Variants in ATG16L2 observed in about 807,000 individuals in gnomAD.
ATG16L2 encodes the protein protein Atg16l2.
In ATG16L2, 77 loss-of-function variants were observed where a neutral mutation model predicts 84.7. The ratio of observed to expected loss-of-function variants is 0.91; its 90% confidence interval spans 0.76 to 1.10. The LOEUF (loss-of-function observed/expected upper bound fraction) is 1.10, where lower values mean the gene tolerates loss of function less well. ATG16L2 is among the 50% of genes least tolerant of loss of function. The probability of loss-of-function intolerance (pLI) is 0.00; values close to 1 mark genes in which losing one functional copy is unlikely to be tolerated. For synonymous variants in ATG16L2, 361 were observed against 342.8 expected (o/e 1.05, Z -0.59); for missense variants, 782 against 817.6 (o/e 0.96, Z 0.53).
At chr11:72,821,838 T>C in intron 4 of ATG16L2, 97 bp downstream of exon 4, 1 of 1,466,430 alleles carries the variant, frequency 6.8e-7, no homozygotes, top group Non-Finnish European at 9.0e-7. Flanking sequence ...GGCCGAGATC[T>C]TTCCCTACGT....
rs1331064445 is a variant in ATG16L2, at chr11:72,817,922, G to A, written c.318+67G>A. The A allele has an allele frequency of 2.9e-6, 4 of 1,380,522 alleles. 1 individual carries two copies. In the Admixed American group the frequency reaches 8.0e-5, roughly 28 times the overall value. The allele number at this position is 1,380,522 out of a possible 1,614,324, so 85.5% of individuals were successfully genotyped here. On this transcript the variant is annotated intron_variant, in intron 3 of 17. Coordinates refer to ENST00000321297, the MANE Select transcript of ATG16L2 (RefSeq NM_033388.2). ...GTCCAAGGGAGCCAGCCAGTGACGG[G>A]TACTCCTGTGTTTGCTGAATTCTCC...
Position 72,825,377 on chromosome 11 carries a change from C to CGCCT in ATG16L2, c.1074_1077dup (p.Ile360ProfsTer31). 6.2e-7 allele frequency: 1 copy of CGCCT among 1,612,922 alleles called. No homozygotes were observed. Among genetic ancestry groups the CGCCT allele is most frequent in the Non-Finnish European group, 8.5e-7 (1 of 1,179,940 alleles). On this transcript the variant is annotated frameshift_variant, in exon 10 of 18. Coordinates refer to ENST00000321297, the MANE Select transcript of ATG16L2 (RefSeq NM_033388.2). LOFTEE classifies it high-confidence loss of function. ...CCTCCTGGCCACTGGAGGGGCTGAC[C>CGCCT]GCCTGATCCACCTCTGGAATGTTGT...
In ATG16L2 at chr11:72,824,847, GGGA is replaced by G. The variant is rs1274612034; in HGVS notation, c.996+10_996+12del. On this transcript the variant is annotated splice_donor_region_variant and intron_variant, in intron 9 of 17. Transcript: ENST00000321297. ...ACCCGGGCTCAGGATGTGCTGGTAA[GGGA>G]GGAGCTGAGCCACATGGGTGGGGCA... 1 of 1,577,754 alleles carries G rather than the reference GGGA, an allele frequency of 6.3e-7. No individual in the cohort carries two copies. Among genetic ancestry groups the G allele is most frequent in the Admixed American group, 1.8e-5 (1 of 56,338 alleles).
At chr11:72,823,247 A>G (rs2135101792) in intron 7 of ATG16L2, 1 of 386,346 alleles carries the variant, frequency 2.6e-6, no homozygotes, top group East Asian at 5.6e-5. Context: ...TCACCAGGAG[A>G]GAACCTGTGG....
chr11:72,828,570 C>G (rs1174405282), intron 15 of ATG16L2, 62 bp downstream of exon 15: 4 of 1,607,732 alleles, frequency 2.5e-6, no homozygotes, highest in African/African-American at 2.7e-5. Flanking sequence ...CTCTCTTCTC[C>G]TGTAATAGAC....
chr11:72,826,175 C>T lies in ATG16L2; in HGVS notation c.1105C>T (p.Arg369Cys), dbSNP rs761289753. The change falls in exon 11 of 18, where the codon CGC (arginine) becomes TGC (cysteine). Residue 369 changes from arginine (R) to cysteine (C), a missense_variant and splice_region_variant. Coordinates refer to ENST00000321297, the MANE Select transcript of ATG16L2 (RefSeq NM_033388.2). ...GTCCCTTCCCCTGGTCCTCCCAGGT[C>T]GCCTGGAGGCCAACCAGACCCTGGA... ...LIHLWNVVGS[R>C]LEANQTLEGA... 13 of 1,612,560 alleles carry T rather than the reference C, an allele frequency of 8.1e-6. No homozygotes were observed. The highest frequency in any genetic ancestry group is 1.1e-5 in the Non-Finnish European group (13 of 1,179,042).
chr11:72,823,988 T>G (rs1860175251), intron 7 of ATG16L2, 72 bp from the exon 8 acceptor site: 12 of 1,546,290 alleles, frequency 7.8e-6, no homozygotes, highest in Non-Finnish European at 1.1e-5. Context: ...TGGCAAAGTG[T>G]GGAGATGATG....
chr11:72,818,133 A>G (rs376086779), intron 3 of ATG16L2: 1 of 432,964 alleles, frequency 2.3e-6, no homozygotes. Flanking sequence ...TGCTCTGCTC[A>G]CTACTCCATG....
At chr11:72,823,972 G>A in intron 7 of ATG16L2, 88 bp from the exon 8 acceptor site, 2 of 1,458,652 alleles carry the variant, frequency 1.4e-6, no homozygotes, top group Non-Finnish European at 9.6e-7. Flanking sequence ...CAAGCCTCCA[G>A]GTCTCTGGCA....
intron 2 of ATG16L2, among the ~76,000 whole-genome samples, chr11:72,817,096 C>A (rs1426008316): frequency 2.0e-5 from 3 of 152,318 alleles, no homozygotes; most frequent in Non-Finnish European, 4.4e-5. Context: ...CACCCCTATA[C>A]TTATGTCTTT....
intron 10 of ATG16L2, 78 bp downstream of exon 10, chr11:72,825,485 G>C: frequency 2.7e-6 from 3 of 1,104,964 alleles, no homozygotes; most frequent in Non-Finnish European, 4.1e-6. Context: ...GGTGGGCAGA[G>C]GTCTTGGATC....
downstream of ATG16L2, among the ~76,000 whole-genome samples, chr11:72,834,326 C>A (rs1024174791): frequency 6.6e-6 from 1 of 152,208 alleles, no homozygotes; most frequent in Non-Finnish European, 1.5e-5. Flanking sequence ...CAGCTGGGTT[C>A]TTCAGGCAGT....
At chr11:72,826,649 C>T (rs1251813443) in intron 12 of ATG16L2, 54 bp from the exon 13 acceptor site, 4 of 1,613,898 alleles carry the variant, frequency 2.5e-6, no homozygotes, top group African/African-American at 2.7e-5. Context: ...GACTAGGGGG[C>T]CTGTTATGGG....
At chr11:72,830,461 T>C (rs762336759), downstream of ATG16L2, among the ~76,000 whole-genome samples, 5 of 152,222 alleles carry the variant, frequency 3.3e-5, no homozygotes, top group East Asian at 1.9e-4. Flanking sequence ...TCCAATCCTT[T>C]CCCTTACTAT....
downstream of ATG16L2, among the ~76,000 whole-genome samples, chr11:72,833,789 G>T (rs1017720515): frequency 6.6e-6 from 1 of 152,050 alleles, no homozygotes; most frequent in African/African-American, 2.4e-5. Flanking sequence ...CGGGTGTGGT[G>T]GCACATGCCT....
At chr11:72,814,654 C>G in intron 1 of ATG16L2, 91 bp downstream of exon 1, 2 of 1,073,822 alleles carry the variant, frequency 1.9e-6, no homozygotes, top group Non-Finnish European at 2.6e-6. Flanking sequence ...CCGCCTGTGA[C>G]CCGAGTGCGC....
intron 10 of ATG16L2, 106 bp from the exon 11 acceptor site, chr11:72,826,067 G>A: frequency 1.1e-6 from 1 of 886,764 alleles, no homozygotes; most frequent in South Asian, 1.6e-5. Flanking sequence ...ACCTGGGGAT[G>A]TGTCGGGGGG....
Position 72,822,767 on chromosome 11 carries a change from T to A in ATG16L2, c.711-81T>A. Reference sequence around the variant, plus strand: ...CAGAACCCTCATCACTGGGAATTCCTGTCTTCAGCGTATCCTGTGCTGGGG... The same window carrying A: ...CAGAACCCTCATCACTGGGAATTCCAGTCTTCAGCGTATCCTGTGCTGGGG... On this transcript the variant is annotated intron_variant, in intron 6 of 17. Coordinates refer to ENST00000321297, the MANE Select transcript of ATG16L2 (RefSeq NM_033388.2). This position sits in a 1 kb window ranked among gnomAD's most constrained non-coding sequence, Gnocchi z 4.2. 8.9e-7 allele frequency: 1 copy of A among 1,129,314 alleles called. No homozygotes were observed. Among genetic ancestry groups the A allele is most frequent in the Non-Finnish European group, 1.3e-6 (1 of 791,140 alleles). The allele number at this position is 1,129,314 out of a possible 1,614,324, so 70.0% of individuals were successfully genotyped here. A position where few individuals can be genotyped will look rare whatever the true frequency, so the allele number is the denominator to read the frequency against.
intron 17 of ATG16L2, 32 bp downstream of exon 17, chr11:72,829,016 G>C (rs1420628766): frequency 6.2e-7 from 1 of 1,604,050 alleles, no homozygotes; most frequent in Non-Finnish European, 8.5e-7. Context: ...CCACCTGCCT[G>C]GCCCCAGTCC....
Sources: allele counts gnomAD v4.1 joint callset (sites outside exome capture counted in the v4.1 genomes callset), GRCh38; gene constraint gnomAD v4.1.1; non-coding constraint Gnocchi (gnomAD v3.1); transcripts MANE v1.5; gene names NCBI Gene and HGNC (gene_info 2026-07-23, HGNC 2026-07-21).